Variants in EPHA7 observed in about 807,000 individuals in gnomAD.
EPHA7 encodes the protein EPH receptor A7.
EPHA7 carries 25 observed loss-of-function variants against 112.6 expected under a neutral mutation model. The ratio of observed to expected loss-of-function variants is 0.22; its 90% CI spans 0.16 to 0.31. EPHA7 has a LOEUF of 0.31. EPHA7 is among the 10% of genes least tolerant of loss of function. EPHA7 has a pLI of 1.00. For missense variants in EPHA7, 962 were observed against 1,212.6 expected, an observed-to-expected ratio of 0.79 and a Z score of 3.07; for synonymous variants, 437 against 406.5, an observed-to-expected ratio of 1.07 and a Z score of -0.90.
At chr6:93,388,186 T>C (rs1777724585) in intron 3 of EPHA7, among the ~76,000 whole-genome samples, 1 of 152,160 alleles carries the variant, frequency 6.6e-6, no homozygotes, top group Admixed American at 6.6e-5. Context: ...CTAATATCAT[T>C]AACATTTTTC....
At chr6:93,323,362 C>A (rs529920679) in intron 5 of EPHA7, among the ~76,000 whole-genome samples, 5 of 151,512 alleles carry the variant, frequency 3.3e-5, no homozygotes, top group Admixed American at 6.6e-5. Context: ...TCCACGAATT[C>A]TTTCCTTCTT....
intron 14 of EPHA7, among the ~76,000 whole-genome samples, chr6:93,252,850 C>A (rs934096093): frequency 2.6e-5 from 4 of 151,752 alleles, no homozygotes; most frequent in Admixed American, 6.6e-5. Flanking sequence ...TAAAACTAAA[C>A]TGCACAATAG....
chr6:93,299,663 A>G (rs1471282581), intron 5 of EPHA7, among the ~76,000 whole-genome samples: 2 of 152,182 alleles, frequency 1.3e-5, no homozygotes, highest in Admixed American at 6.5e-5. Context: ...AAATCTTTCT[A>G]CCATAAAGAC....
chr6:93,375,827 C>G (rs1358076488), intron 3 of EPHA7, among the ~76,000 whole-genome samples: 2 of 152,094 alleles, frequency 1.3e-5, no homozygotes, highest in Non-Finnish European at 2.9e-5. Context: ...TCCCACCTAA[C>G]CTAAGGAATC....
chr6:93,330,712 T>C (rs1054164826), intron 5 of EPHA7, among the ~76,000 whole-genome samples: 3 of 151,384 alleles, frequency 2.0e-5, no homozygotes, highest in African/African-American at 7.3e-5. Flanking sequence ...GTTGATTTCA[T>C]ATCTTCGCTA....
At chr6:93,246,491 G>GA in intron 15 of EPHA7, among the ~76,000 whole-genome samples, 1 of 152,222 alleles carries the variant, frequency 6.6e-6, no homozygotes, top group Non-Finnish European at 1.5e-5. Flanking sequence ...ATATTGGTCT[G>GA]AAAATATGAA....
chr6:93,316,995 T>C (rs1025838389), intron 5 of EPHA7, among the ~76,000 whole-genome samples: 5 of 152,174 alleles, frequency 3.3e-5, no homozygotes, highest in African/African-American at 1.2e-4. Context: ...TTAGTAAAAC[T>C]ACCTGCTGCG....
At chr6:93,336,115 T>C (rs1206371112) in intron 5 of EPHA7, among the ~76,000 whole-genome samples, 1 of 152,088 alleles carries the variant, frequency 6.6e-6, no homozygotes, top group Non-Finnish European at 1.5e-5. Context: ...ACTAAAACTT[T>C]CAAGCCTACT....
At chr6:93,254,601 C>T (rs345736) in intron 14 of EPHA7, 46 bp downstream of exon 14, 1,127,697 of 1,525,844 alleles carry the variant, frequency 0.74, 418,236 homozygotes, top group South Asian at 0.84. Context: ...TAATACTGGC[C>T]ATTAATGTAT....
intron 9 of EPHA7, among the ~76,000 whole-genome samples, chr6:93,263,131 A>G (rs1770765996): frequency 6.6e-6 from 1 of 151,332 alleles, no homozygotes; most frequent in Admixed American, 6.6e-5. Flanking sequence ...AACATCATCA[A>G]CTATCATAAC....
intron 14 of EPHA7, among the ~76,000 whole-genome samples, chr6:93,253,180 A>C (rs1360582003): frequency 6.6e-6 from 1 of 151,994 alleles, no homozygotes; most frequent in Non-Finnish European, 1.5e-5. Flanking sequence ...TTGTTTGTCC[A>C]AATTTTGACA....
chr6:93,326,576 T>A (rs116135811), intron 5 of EPHA7, among the ~76,000 whole-genome samples: 2,543 of 151,566 alleles, frequency 0.017, 69 homozygotes, highest in African/African-American at 0.058. Flanking sequence ...AAATTATTTG[T>A]TCACTGAAAC....
chr6:93,396,256 A>T (rs1483861177), intron 3 of EPHA7, among the ~76,000 whole-genome samples: 1 of 151,926 alleles, frequency 6.6e-6, no homozygotes, highest in Non-Finnish European at 1.5e-5. Flanking sequence ...AACAATAATT[A>T]TACAGAACTA....
intron 3 of EPHA7, among the ~76,000 whole-genome samples, chr6:93,399,782 A>T (rs1400219801): frequency 6.6e-6 from 1 of 151,988 alleles, no homozygotes; most frequent in Non-Finnish European, 1.5e-5. Context: ...GGCAAAGGAG[A>T]AAGGAAACTG....
intron 5 of EPHA7, among the ~76,000 whole-genome samples, chr6:93,341,761 C>T (rs138339857): frequency 1.3e-3 from 205 of 151,926 alleles, no homozygotes; most frequent in African/African-American, 4.7e-3. Context: ...AGGTCCTCTA[C>T]ATACAAAATG....
At chr6:93,311,732 A>G (rs1333974286) in intron 5 of EPHA7, among the ~76,000 whole-genome samples, 1 of 152,162 alleles carries the variant, frequency 6.6e-6, no homozygotes, top group African/African-American at 2.4e-5. Context: ...AAAGTTTTCA[A>G]TTTACCTTGC....
chr6:93,377,151 C>T (rs1777101799), intron 3 of EPHA7, among the ~76,000 whole-genome samples: 1 of 152,122 alleles, frequency 6.6e-6, no homozygotes. Flanking sequence ...TTTCCATGAT[C>T]ATAACTGGGT....
intron 5 of EPHA7, among the ~76,000 whole-genome samples, chr6:93,315,710 C>G (rs1582506798): frequency 6.6e-6 from 1 of 152,198 alleles, no homozygotes; most frequent in African/African-American, 2.4e-5. Context: ...GATTCACTCT[C>G]TGCTGATCTT....
intron 10 of EPHA7, 131 bp from the exon 11 acceptor site, chr6:93,258,415 A>C: frequency 2.0e-6 from 2 of 991,496 alleles, no homozygotes; most frequent in South Asian, 3.8e-5. Context: ...ATATTTTCAA[A>C]AATACTTGGT....
Sources: gnomAD v4.1 joint callset for allele counts (sites outside exome capture counted in the v4.1 genomes callset) on GRCh38, gnomAD v4.1.1 for gene constraint, MANE v1.5 for transcripts, NCBI Gene and HGNC (gene_info 2026-07-23, HGNC 2026-07-21) for gene names.